The following CASK variants were observed in gnomAD, a reference collection of about 807,000 sequenced individuals.
CASK encodes calcium/calmodulin dependent serine protein kinase.
CASK carries 4 observed loss-of-function variants against 82.9 expected under a neutral mutation model. That is an observed-to-expected ratio of 0.05 (90% CI 0.02 to 0.11). The LOEUF is 0.11. Ranked by LOEUF, CASK falls within the 10% of genes least tolerant of loss-of-function variation. The probability of loss-of-function intolerance (pLI) is 1.00; values close to 1 mark genes in which losing one functional copy is unlikely to be tolerated. For synonymous variants in CASK, 259 were observed against 253.5 expected, an observed-to-expected ratio of 1.02 and a Z score of -0.20; for missense variants, 358 against 720.9, an observed-to-expected ratio of 0.50 and a Z score of 5.76.
At chrX:41,552,110 T>A (rs952049443) in intron 21 of CASK, among the ~76,000 whole-genome samples, 8 of 103,862 alleles carry the variant, frequency 7.7e-5, no homozygotes, top group African/African-American at 1.1e-4. Flanking sequence ...TTTTTTTTTT[T>A]ATTTCAAGTA....
intron 2 of CASK, among the ~76,000 whole-genome samples, chrX:41,814,291 C>T (rs1417440379): frequency 9.0e-6 from 1 of 111,587 alleles, no homozygotes; most frequent in African/African-American, 3.3e-5. Context: ...GACACATGCA[C>T]AAGTATGTTT....
chrX:41,573,824 T>C (rs780435777), intron 15 of CASK, among the ~76,000 whole-genome samples: 1 of 112,059 alleles, frequency 8.9e-6, no homozygotes, highest in African/African-American at 3.2e-5. Context: ...TACTCGGACA[T>C]AGTTTGATCC....
rs187602174 is a variant in CASK, at chrX:41,627,728, C to T, written c.916-1025G>A. Among the ~76,000 whole-genome samples, 65 of 112,751 alleles carry T rather than the reference C, an allele frequency of 5.8e-4. No individual in the cohort carries two copies. The East Asian group carries it at 0.013, about 23-fold the overall frequency. On this transcript the variant is annotated intron_variant, in intron 9 of 26. Transcript: ENST00000378163. ...AGTAAGAATATGAAAACGGGCTGGACGCGGTGGCTCACGCCTGCAATCCCA... is the reference window on the plus strand; with the variant it reads ...AGTAAGAATATGAAAACGGGCTGGATGCGGTGGCTCACGCCTGCAATCCCA...
intron 12 of CASK, among the ~76,000 whole-genome samples, chrX:41,605,559 C>A (rs1160086022): frequency 9.0e-6 from 1 of 110,951 alleles, no homozygotes; most frequent in African/African-American, 3.3e-5. Flanking sequence ...CCTGGGAGAG[C>A]CCTGTCTTAA....
chrX:41,795,369 A>T (rs1156783323), intron 2 of CASK, among the ~76,000 whole-genome samples: 3 of 112,397 alleles, frequency 2.7e-5, no homozygotes, highest in African/African-American at 9.7e-5. Flanking sequence ...TTTCCTTAAA[A>T]ACTGACTTAG....
chrX:41,795,442 G>T (rs757276008), intron 2 of CASK, among the ~76,000 whole-genome samples: 1 of 111,572 alleles, frequency 9.0e-6, no homozygotes, highest in Admixed American at 9.6e-5. Flanking sequence ...GAGGCAGGTG[G>T]ATCGCTTCAG....
intron 10 of CASK, among the ~76,000 whole-genome samples, chrX:41,624,861 GC>G (rs1293211494): frequency 9.0e-6 from 1 of 111,254 alleles, no homozygotes; most frequent in Non-Finnish European, 1.9e-5. Flanking sequence ...TTTAGGAAGG[GC>G]CCAGGGCCTC....
At chrX:41,524,626 G>A (rs753435610) in intron 25 of CASK, 1 of 118,557 alleles carries the variant, frequency 8.4e-6, no homozygotes, top group South Asian at 3.2e-4. Context: ...TGTGGCTGTG[G>A]GCAATGTATA....
At chrX:41,830,817 CAAAAAA>C (rs780864898) in intron 2 of CASK, among the ~76,000 whole-genome samples, 1 of 36,964 alleles carries the variant, frequency 2.7e-5, no homozygotes, top group African/African-American at 1.2e-4. Flanking sequence ...GAGACTCTGC[CAAAAAA>C]AAAAAAAAAA....
chrX:41,757,553 G>A (rs5964041), intron 3 of CASK, among the ~76,000 whole-genome samples: 1,296 of 112,435 alleles, frequency 0.012, 21 homozygotes, highest in African/African-American at 0.039. Context: ...TCAATGAATG[G>A]CAGTCTTGCT....
intron 2 of CASK, among the ~76,000 whole-genome samples, chrX:41,841,195 C>T (rs1191581995): frequency 8.9e-6 from 1 of 111,732 alleles, no homozygotes; most frequent in Non-Finnish European, 1.9e-5. Flanking sequence ...AAATCCTTGC[C>T]AACACATGCT....
At chrX:41,765,394 T>C (rs530824513) in intron 3 of CASK, among the ~76,000 whole-genome samples, 1 of 112,009 alleles carries the variant, frequency 8.9e-6, no homozygotes, top group South Asian at 3.7e-4. Flanking sequence ...GACACAACAT[T>C]TGAGGAAGGA....
At chrX:41,888,333 T>C (rs2072084977) in intron 1 of CASK, among the ~76,000 whole-genome samples, 1 of 107,837 alleles carries the variant, frequency 9.3e-6, no homozygotes, top group African/African-American at 3.4e-5. Flanking sequence ...GATTCATTTA[T>C]TTTTTTTTTA....
intron 3 of CASK, among the ~76,000 whole-genome samples, chrX:41,766,713 G>A (rs930128319): frequency 4.5e-5 from 5 of 111,567 alleles, no homozygotes; most frequent in Non-Finnish European, 7.5e-5. Flanking sequence ...ATGGTGAAAC[G>A]CTGTCTCTAT....
At chrX:41,531,284 A>C in intron 24 of CASK, 75 bp from the exon 25 acceptor site, 1 of 796,141 alleles carries the variant, frequency 1.3e-6, no homozygotes, top group East Asian at 3.1e-5. Flanking sequence ...AGATTTACTC[A>C]AACCCAGTCT....
intron 5 of CASK, among the ~76,000 whole-genome samples, chrX:41,709,516 T>C (rs1283712645): frequency 8.9e-6 from 1 of 111,812 alleles, no homozygotes; most frequent in African/African-American, 3.2e-5. Context: ...ATGTGGGCTC[T>C]AAAGTCAGAC....
chrX:41,828,676 C>T (rs764243166), intron 2 of CASK, among the ~76,000 whole-genome samples: 1 of 111,371 alleles, frequency 9.0e-6, no homozygotes, highest in Non-Finnish European at 1.9e-5. Context: ...TTTAAGCTAC[C>T]CAAGAGAAAG....
At chrX:41,800,160 A>T (rs1225229106) in intron 2 of CASK, among the ~76,000 whole-genome samples, 2 of 111,227 alleles carry the variant, frequency 1.8e-5, no homozygotes, top group African/African-American at 6.6e-5. Context: ...TCCTAGGGTG[A>T]AAGAACTATT....
At chrX:41,852,451 A>G (rs1257359435) in intron 2 of CASK, among the ~76,000 whole-genome samples, 1 of 111,868 alleles carries the variant, frequency 8.9e-6, no homozygotes, top group African/African-American at 3.2e-5. Context: ...CAATTGTGCC[A>G]TCTGAAGTAT....
Sources: gnomAD v4.1 joint callset for allele counts (sites outside exome capture counted in the v4.1 genomes callset) on GRCh38, gnomAD v4.1.1 for gene constraint, MANE v1.5 for transcripts, NCBI Gene and HGNC (gene_info 2026-07-23, HGNC 2026-07-21) for gene names.